PTPRD: variants seen among roughly 807,000 people sequenced by gnomAD.
The protein encoded by PTPRD is protein tyrosine phosphatase receptor type D, also known as receptor-type tyrosine-protein phosphatase delta.
PTPRD carries 34 observed loss-of-function variants against 214.5 expected under a neutral mutation model. That is an observed-to-expected ratio of 0.16 (90% CI 0.12 to 0.21). The LOEUF (loss-of-function observed/expected upper bound fraction) is 0.21. PTPRD is among the 10% of genes least tolerant of loss of function. The pLI, the probability that PTPRD is intolerant of heterozygous loss-of-function variation, is 1.00. For synonymous variants in PTPRD, 1,128 were observed against 845.7 expected, an observed-to-expected ratio of 1.33 and a Z score of -5.79; for missense variants, 2,545 against 2,398.7, an observed-to-expected ratio of 1.06 and a Z score of -1.27.
intron 2 of PTPRD, among the ~76,000 whole-genome samples, chr9:10,603,878 AGAAG>A (rs1362040082): frequency 2.0e-5 from 3 of 151,928 alleles, no homozygotes; most frequent in African/African-American, 7.2e-5. Context: ...TCCCACTACA[AGAAG>A]TGATAAACTA....
In PTPRD at chr9:8,316,672, CCTGA is replaced by C. The variant is rs1190755910; in HGVS notation, c.*1198_*1201del. 1.1e-4 allele frequency: 25 copies of C among 230,654 alleles called. No individual in the cohort carries two copies. In the South Asian group the frequency reaches 1.3e-3, roughly 12 times the overall value. The allele number at this position is 230,654 out of a possible 1,614,324, so 14.3% of individuals were successfully genotyped here. ...TAGAAATATTGAACTTTGTTGGAAGCCTGACTAACAAACAAACAAAACAATTTGT... is the reference window on the plus strand; with the variant it reads ...TAGAAATATTGAACTTTGTTGGAAGCCTAACAAACAAACAAAACAATTTGT... On this transcript the variant is annotated 3_prime_UTR_variant, in exon 46 of 46. Transcript: ENST00000381196.
At chr9:9,434,854 A>G (rs910953938) in intron 8 of PTPRD, among the ~76,000 whole-genome samples, 1 of 148,514 alleles carries the variant, frequency 6.7e-6, no homozygotes, top group East Asian at 1.9e-4. Context: ...ATATAGTATA[A>G]TATATAATCT....
chr9:9,331,064 C>T (rs1157233384), intron 9 of PTPRD, among the ~76,000 whole-genome samples: 1 of 151,984 alleles, frequency 6.6e-6, no homozygotes, highest in African/African-American at 2.4e-5. Flanking sequence ...TCTAAGCAAA[C>T]ATGAAGACCT....
chr9:9,234,125 G>C (rs2099964973), intron 9 of PTPRD, among the ~76,000 whole-genome samples: 1 of 152,184 alleles, frequency 6.6e-6, no homozygotes, highest in Admixed American at 6.5e-5. Flanking sequence ...TGGACATCCA[G>C]GCATTTCCAT....
chr9:8,856,479 A>G (rs1238970326), intron 11 of PTPRD, among the ~76,000 whole-genome samples: 1 of 152,188 alleles, frequency 6.6e-6, no homozygotes, highest in Non-Finnish European at 1.5e-5. Context: ...AGCCTCTGAG[A>G]GGTTCAAACT....
chr9:10,026,345 A>G (rs568240925), intron 4 of PTPRD, among the ~76,000 whole-genome samples: 106 of 152,202 alleles, frequency 7.0e-4, no homozygotes, highest in Middle Eastern at 3.4e-3. Flanking sequence ...GGCAGAGAAG[A>G]GAAGTCTCAA....
At chr9:9,701,492 C>CG (rs1175757808) in intron 7 of PTPRD, among the ~76,000 whole-genome samples, 1 of 152,116 alleles carries the variant, frequency 6.6e-6, no homozygotes, top group Middle Eastern at 3.2e-3. Context: ...TTTTAAATTT[C>CG]ACAGTCAAAT....
At chr9:8,904,233 G>A (rs1165775083) in intron 11 of PTPRD, among the ~76,000 whole-genome samples, 1 of 152,206 alleles carries the variant, frequency 6.6e-6, no homozygotes, top group East Asian at 1.9e-4. Context: ...GAACTACTAG[G>A]ACATTCTTTC....
chr9:9,409,198 T>A (rs1441243063), intron 8 of PTPRD, among the ~76,000 whole-genome samples: 3 of 152,006 alleles, frequency 2.0e-5, no homozygotes, highest in Non-Finnish European at 4.4e-5. Flanking sequence ...ACAATATTTT[T>A]ATAAAGTCAG....
chr9:10,503,860 T>C (rs1245038705), intron 2 of PTPRD, among the ~76,000 whole-genome samples: 3 of 151,872 alleles, frequency 2.0e-5, no homozygotes, highest in African/African-American at 7.2e-5. Context: ...CTCACACCTG[T>C]AATCCCAGCA....
At chr9:8,439,013 T>G (rs899565004) in intron 34 of PTPRD, among the ~76,000 whole-genome samples, 102 of 152,282 alleles carry the variant, frequency 6.7e-4, no homozygotes, top group African/African-American at 2.3e-3. Context: ...ATATTCCACA[T>G]CAGAATATAT....
At chr9:8,551,143 T>C (rs1320563994) in intron 14 of PTPRD, among the ~76,000 whole-genome samples, 2 of 152,220 alleles carry the variant, frequency 1.3e-5, no homozygotes, top group African/African-American at 4.8e-5. Flanking sequence ...TCTTCATAAT[T>C]ATATCAAAGG....
intron 8 of PTPRD, among the ~76,000 whole-genome samples, chr9:9,425,882 G>T (rs977805326): frequency 6.6e-6 from 1 of 152,012 alleles, no homozygotes; most frequent in African/African-American, 2.4e-5. Context: ...AAGAAAAAAT[G>T]AATGCAACAA....
intron 10 of PTPRD, chr9:9,090,927 T>C (rs978660604): frequency 1.3e-6 from 2 of 1,542,572 alleles, no homozygotes; most frequent in Non-Finnish European, 1.8e-6. Flanking sequence ...ACAATGGTCG[T>C]GCCAAAAAGG....
At chr9:10,510,154 A>G (rs1442352578) in intron 2 of PTPRD, among the ~76,000 whole-genome samples, 2 of 152,154 alleles carry the variant, frequency 1.3e-5, no homozygotes, top group African/African-American at 4.8e-5. Context: ...GCCTTAGAAT[A>G]TGAAGTCAAA....
rs555687713 is a variant in PTPRD at position 10,127,279 on chromosome 9, T to A, written c.-544-93489A>T. On this transcript the variant is annotated intron_variant, in intron 3 of 45. Coordinates refer to ENST00000381196, the MANE Select transcript of PTPRD (RefSeq NM_002839.4). ...ATGTCCTGAGTATGATTCCTCTGTC[T>A]GTAATGGCCCACAAGACATTTCTTG... Among the ~76,000 whole-genome samples, 3 of 152,338 alleles carry A rather than the reference T, an allele frequency of 2.0e-5. No homozygotes were observed. The East Asian group carries it at 5.8e-4, about 29-fold the overall frequency.
chr9:8,567,031 G>T (rs981728597), intron 14 of PTPRD, among the ~76,000 whole-genome samples: 4 of 152,098 alleles, frequency 2.6e-5, no homozygotes, highest in African/African-American at 9.7e-5. Context: ...CCTCTCGAAT[G>T]CTACCTTCTC....
In PTPRD at chr9:9,962,460, T is replaced by C. The variant is rs150056290; in HGVS notation, c.-471-23850A>G. ...TATCTGTTGAACATATTGAACCTTA[T>C]ATAAATGTTCTCACTTGTGTGAGAA... On this transcript the variant is annotated intron_variant, in intron 4 of 45. Transcript: ENST00000381196. Among the ~76,000 whole-genome samples, 83 of 152,208 alleles carry C rather than the reference T, an allele frequency of 5.5e-4. No individual in the cohort carries two copies. The South Asian group carries it at 6.0e-3, about 11-fold the overall frequency.
chr9:9,729,303 T>C (rs1175181004), intron 7 of PTPRD, among the ~76,000 whole-genome samples: 1 of 152,118 alleles, frequency 6.6e-6, no homozygotes, highest in Non-Finnish European at 1.5e-5. Flanking sequence ...GTGGCTCTAC[T>C]GTCTCAAATG....
Sources: allele counts gnomAD v4.1 joint callset (sites outside exome capture counted in the v4.1 genomes callset), GRCh38; gene constraint gnomAD v4.1.1; transcripts MANE v1.5; gene names NCBI Gene and HGNC (gene_info 2026-07-23, HGNC 2026-07-21).